Variants in FNBP1 observed in about 807,000 individuals in gnomAD.
FNBP1 encodes the protein formin binding protein 1.
Under a neutral mutation model 90.6 loss-of-function variants are expected in FNBP1, and 26 were observed. The ratio of observed to expected loss-of-function variants is 0.29; its 90% CI spans 0.21 to 0.40. The LOEUF is 0.40. Ranked by LOEUF, FNBP1 falls within the 10% of genes least tolerant of loss-of-function variation. FNBP1 has a pLI of 1.00. For missense variants in FNBP1, 635 were observed against 768.0 expected (o/e 0.83, Z 2.05); for synonymous variants, 260 against 265.2 (o/e 0.98, Z 0.19).
chr9:129,923,209 A>C (rs2131862216), intron 10 of FNBP1, among the ~76,000 whole-genome samples: 1 of 152,008 alleles, frequency 6.6e-6, no homozygotes, highest in East Asian at 1.9e-4. Flanking sequence ...TTTTTTTGGT[A>C]AAATTAAGGT....
intron 15 of FNBP1, 136 bp downstream of exon 15, chr9:129,899,829 A>T (rs1028376363): frequency 3.0e-6 from 2 of 663,382 alleles, no homozygotes; most frequent in Non-Finnish European, 4.6e-6. Flanking sequence ...AGGGGAAGGG[A>T]AGGTAGGAAG....
chr9:130,043,432 A>C (rs1310622882), upstream of FNBP1, among the ~76,000 whole-genome samples: 1 of 152,208 alleles, frequency 6.6e-6, no homozygotes, highest in Non-Finnish European at 1.5e-5. Flanking sequence ...ATGACTTCTT[A>C]GTGACCACTG....
At chr9:129,921,469 C>G (rs1166057258) in intron 10 of FNBP1, among the ~76,000 whole-genome samples, 4 of 151,918 alleles carry the variant, frequency 2.6e-5, no homozygotes, top group African/African-American at 9.7e-5. Flanking sequence ...TCTTGGCTCA[C>G]TGCAACCTCC....
At chr9:130,020,995 A>G (rs2057776391) in intron 1 of FNBP1, among the ~76,000 whole-genome samples, 1 of 152,138 alleles carries the variant, frequency 6.6e-6, no homozygotes, top group Non-Finnish European at 1.5e-5. Context: ...AAAACAAAAC[A>G]TCACTGCTGC....
chr9:129,995,656 A>G (rs1006039501), intron 1 of FNBP1, among the ~76,000 whole-genome samples: 2 of 152,190 alleles, frequency 1.3e-5, no homozygotes, highest in African/African-American at 2.4e-5. Flanking sequence ...TGGGTATAAG[A>G]GCATGACTCT....
At chr9:130,019,843 C>T (rs1432920892) in intron 1 of FNBP1, among the ~76,000 whole-genome samples, 1 of 152,120 alleles carries the variant, frequency 6.6e-6, no homozygotes, top group East Asian at 1.9e-4. Flanking sequence ...CAGGCGTGAG[C>T]CACCGCGCCC....
rs151264539 is a variant in FNBP1 at position 129,897,907 on chromosome 9, G to A, written c.1688-1911C>T. The stretch of plus-strand genomic sequence containing the variant: ...TACAATGGCACGATCTTGGCTCACT[G>A]CAACCTCTGCCTCCTGGGTTCAAGC... On this transcript the variant is annotated intron_variant, in intron 15 of 16. Coordinates refer to ENST00000446176, the MANE Select transcript of FNBP1 (RefSeq NM_015033.3). 3.3e-3 allele frequency among the ~76,000 whole-genome samples: 500 copies of A among 152,202 alleles called. 19 individuals carry two copies. The East Asian group carries it at 0.086, about 26-fold the overall frequency.
rs2059983598 is a variant in FNBP1, at chr9:130,043,037, G to A, written c.-62C>T. On this transcript the variant is annotated 5_prime_UTR_variant, in exon 1 of 17. Transcript: ENST00000446176. The stretch of plus-strand genomic sequence containing the variant: ...GCGCGGCTCTCTGGTCCCCCTCCCC[G>A]GCGATCCCTTTGCCCCCCGAGATCC... 3 of 1,220,528 alleles carry A rather than the reference G, an allele frequency of 2.5e-6. No individual in the cohort carries two copies. The highest frequency in any genetic ancestry group is 3.2e-5 in the East Asian group (1 of 31,186). The allele number at this position is 1,220,528 out of a possible 1,614,324, so 75.6% of individuals were successfully genotyped here.
chr9:129,993,320 C>T (rs1378393820), intron 2 of FNBP1, among the ~76,000 whole-genome samples: 1 of 151,746 alleles, frequency 6.6e-6, no homozygotes, highest in African/African-American at 2.4e-5. Context: ...ATCCACAAAC[C>T]AATTCAACTA....
Position 129,889,985 on chromosome 9 carries a change from A to G in FNBP1, c.*554T>C, listed in dbSNP as rs945849681. ...AGGGTCAATGTTTAGTATGAGGTGC[A>G]AGCCTAGAATCCAAAAAGGACCACT... is the stretch of plus-strand genomic sequence containing the variant. On this transcript the variant is annotated 3_prime_UTR_variant, in exon 17 of 17. Coordinates refer to ENST00000446176, the MANE Select transcript of FNBP1 (RefSeq NM_015033.3). 27 of 239,804 alleles carry G rather than the reference A, an allele frequency of 1.1e-4. No homozygotes were observed. The highest frequency in any genetic ancestry group is 1.4e-4 in the Non-Finnish European group (17 of 121,866). 14.9% of individuals were successfully genotyped at this position (239,804 alleles called of 1,614,324 possible).
chr9:130,026,827 A>G (rs948197704), intron 1 of FNBP1, among the ~76,000 whole-genome samples: 3 of 151,904 alleles, frequency 2.0e-5, no homozygotes, highest in Admixed American at 6.6e-5. Flanking sequence ...TTAGATGGGC[A>G]TGGTGCTCAC....
chr9:130,010,896 TA>T (rs1412797990), intron 1 of FNBP1, among the ~76,000 whole-genome samples: 1 of 151,662 alleles, frequency 6.6e-6, no homozygotes, highest in Non-Finnish European at 1.5e-5. Context: ...ATGAGCACTC[TA>T]GGCTAAAAGA....
Position 129,887,578 on chromosome 9 carries a change from C to T in FNBP1, c.*2961G>A, listed in dbSNP as rs1057888. 189,553 of 213,602 alleles carry T rather than the reference C, an allele frequency of 0.89. 86,021 individuals carry two copies. Among genetic ancestry groups the T allele is most frequent in the East Asian group, 0.97 (13,955 of 14,314 alleles). 13.2% of individuals were successfully genotyped at this position (213,602 alleles called of 1,614,324 possible). The stretch of plus-strand genomic sequence containing the variant: ...AATGACGGATGTTACCAAAAGGCAT[C>T]GAGACCTTTGCGCTGCGCTGGTTAG... On this transcript the variant is annotated 3_prime_UTR_variant, in exon 17 of 17. Transcript: ENST00000446176.
At chr9:129,983,605 G>T (rs1048220680) in intron 2 of FNBP1, among the ~76,000 whole-genome samples, 1 of 152,180 alleles carries the variant, frequency 6.6e-6, no homozygotes, top group African/African-American at 2.4e-5. Context: ...TGGATCGGGA[G>T]TTCGAGACCA....
At chr9:129,893,380 A>G (rs1387885985) in intron 16 of FNBP1, among the ~76,000 whole-genome samples, 1 of 150,942 alleles carries the variant, frequency 6.6e-6, no homozygotes, top group East Asian at 1.9e-4. Context: ...AGGCGGGCGG[A>G]TCACTTGAGC....
intron 16 of FNBP1, 108 bp downstream of exon 16, chr9:129,895,730 C>T (rs1459157905): frequency 1.1e-5 from 16 of 1,398,504 alleles, no homozygotes; most frequent in Admixed American, 3.2e-5. Flanking sequence ...TGGTGCTTGC[C>T]AGCCAGTCTC....
intron 1 of FNBP1, among the ~76,000 whole-genome samples, chr9:130,034,054 G>A (rs1439851037): frequency 1.3e-5 from 2 of 150,650 alleles, no homozygotes; most frequent in South Asian, 2.1e-4. Context: ...AGCTGCGGTG[G>A]CTCACACCTG....
At chr9:129,954,723 G>A (rs552760020) in intron 6 of FNBP1, among the ~76,000 whole-genome samples, 120 of 152,268 alleles carry the variant, frequency 7.9e-4, no homozygotes, top group Admixed American at 1.4e-3. Context: ...CTTGGCTGGC[G>A]CAGTGGCTCA....
At chr9:130,049,603 A>G in the FNBP1 span, among the ~76,000 whole-genome samples, 1 of 151,908 alleles carries the variant, frequency 6.6e-6, no homozygotes, top group Non-Finnish European at 1.5e-5. Flanking sequence ...TGGGGGCTTG[A>G]GGCAGTAGGA....
Sources: allele counts gnomAD v4.1 joint callset (sites outside exome capture counted in the v4.1 genomes callset), GRCh38; gene constraint gnomAD v4.1.1; transcripts MANE v1.5; gene names NCBI Gene and HGNC (gene_info 2026-07-23, HGNC 2026-07-21).